The following ADAMTSL1 variants were observed in gnomAD, a reference collection of about 807,000 sequenced individuals.
The protein encoded by ADAMTSL1 is ADAMTS-like protein 1.
A neutral mutation model predicts 201.8 loss-of-function variants in ADAMTSL1; 126 were observed. That is an observed-to-expected ratio of 0.62 (90% CI 0.54 to 0.72). The LOEUF (loss-of-function observed/expected upper bound fraction) is 0.72, where lower values mean the gene tolerates loss of function less well. Among genes scored for constraint, ADAMTSL1 ranks in the 30% least tolerant of loss-of-function variants. The probability of loss-of-function intolerance (pLI) is 0.00; values close to 1 mark genes in which losing one functional copy is unlikely to be tolerated. For synonymous variants in ADAMTSL1, 1,121 were observed against 903.4 expected, an observed-to-expected ratio of 1.24 and a Z score of -4.32; for missense variants, 2,679 against 2,277.8, an observed-to-expected ratio of 1.18 and a Z score of -3.59.
rs1424423750 is a variant in ADAMTSL1 at position 18,908,791 on chromosome 9, G to A, written c.*243G>A. 1.2e-5 allele frequency: 5 copies of A among 407,440 alleles called. No individual in the cohort carries two copies. The highest frequency in any genetic ancestry group is 2.2e-5 in the Non-Finnish European group (5 of 225,374). The allele number at this position is 407,440 out of a possible 1,614,324, so 25.2% of individuals were successfully genotyped here. A position where few individuals can be genotyped will look rare whatever the true frequency, so the allele number is the denominator to read the frequency against. Reference sequence around the variant, plus strand: ...ACAGATGTCTAAAGGAGGTTGCAGAGCAGGCCAGGCAGACAGTGGGGGCTC... The same window carrying A: ...ACAGATGTCTAAAGGAGGTTGCAGAACAGGCCAGGCAGACAGTGGGGGCTC... On this transcript the variant is annotated 3_prime_UTR_variant, in exon 29 of 29. Coordinates refer to ENST00000380548, the MANE Select transcript of ADAMTSL1 (RefSeq NM_001040272.6).
chr9:17,976,357 C>G (rs1459717355), intron 1 of ADAMTSL1, among the ~76,000 whole-genome samples: 2 of 151,936 alleles, frequency 1.3e-5, no homozygotes, highest in African/African-American at 4.8e-5. Flanking sequence ...AATTCGTGAA[C>G]ATGGGATATC....
intron 2 of ADAMTSL1, among the ~76,000 whole-genome samples, chr9:18,202,838 A>T (rs1454033646): frequency 6.6e-6 from 1 of 151,980 alleles, no homozygotes; most frequent in Non-Finnish European, 1.5e-5. Flanking sequence ...GGTTGAGTGG[A>T]TGGAGAGATG....
intron 2 of ADAMTSL1, among the ~76,000 whole-genome samples, chr9:18,298,108 A>T (rs1833546418): frequency 6.6e-6 from 1 of 152,214 alleles, no homozygotes; most frequent in South Asian, 2.1e-4. Context: ...GTGAGCTAGG[A>T]CGTATTCCCG....
intron 16 of ADAMTSL1, among the ~76,000 whole-genome samples, chr9:18,764,248 G>A (rs534363737): frequency 6.6e-6 from 1 of 152,210 alleles, no homozygotes; most frequent in Admixed American, 6.5e-5. Flanking sequence ...TTTGTGTGTA[G>A]ATATTATAAG....
intron 19 of ADAMTSL1, among the ~76,000 whole-genome samples, chr9:18,794,888 C>T (rs1160201148): frequency 6.6e-6 from 1 of 152,158 alleles, no homozygotes; most frequent in Non-Finnish European, 1.5e-5. Flanking sequence ...GTGATTTGCC[C>T]GCCTCAGCCT....
intron 2 of ADAMTSL1, among the ~76,000 whole-genome samples, chr9:18,311,179 G>A (rs1346397783): frequency 2.0e-5 from 3 of 151,462 alleles, no homozygotes; most frequent in Non-Finnish European, 2.9e-5. Flanking sequence ...ACAGGGAGGG[G>A]AACATCACAT....
chr9:18,845,048 T>A (rs948079559), intron 23 of ADAMTSL1, among the ~76,000 whole-genome samples: 2 of 152,174 alleles, frequency 1.3e-5, no homozygotes, highest in South Asian at 2.1e-4. Flanking sequence ...GCACCCACTG[T>A]CCTGCACCCA....
chr9:18,672,330 TTTTC>T (rs1358884447), intron 9 of ADAMTSL1, among the ~76,000 whole-genome samples: 1 of 152,200 alleles, frequency 6.6e-6, no homozygotes, highest in Non-Finnish European at 1.5e-5. Flanking sequence ...AGTTTCTGTC[TTTTC>T]TTTCTTAGAT....
intron 1 of ADAMTSL1, among the ~76,000 whole-genome samples, chr9:18,022,150 G>T (rs993831436): frequency 5.3e-5 from 8 of 152,092 alleles, no homozygotes; most frequent in Non-Finnish European, 1.0e-4. Context: ...CCACCTTGAA[G>T]AACTAGGTTT....
chr9:17,995,434 A>G (rs1255338471), intron 1 of ADAMTSL1, among the ~76,000 whole-genome samples: 1 of 152,156 alleles, frequency 6.6e-6, no homozygotes, highest in Non-Finnish European at 1.5e-5. Flanking sequence ...CAAGGCAAGT[A>G]GCTTGAAGTA....
chr9:17,964,826 T>C (rs1817915430), intron 1 of ADAMTSL1, among the ~76,000 whole-genome samples: 1 of 152,162 alleles, frequency 6.6e-6, no homozygotes, highest in African/African-American at 2.4e-5. Flanking sequence ...AAAATTATCT[T>C]GTTTAAAAAC....
intron 1 of ADAMTSL1, among the ~76,000 whole-genome samples, chr9:17,974,610 A>G (rs1338077877): frequency 6.6e-6 from 1 of 151,970 alleles, no homozygotes. Flanking sequence ...GTGAGATCAT[A>G]CAGTATTTAT....
At chr9:17,921,629 C>T (rs1826305142) in intron 1 of ADAMTSL1, among the ~76,000 whole-genome samples, 1 of 152,150 alleles carries the variant, frequency 6.6e-6, no homozygotes, top group African/African-American at 2.4e-5. Context: ...GCACACTTTT[C>T]AGAGACTGAC....
At chr9:18,609,944 G>A (rs1825273736) in intron 4 of ADAMTSL1, among the ~76,000 whole-genome samples, 1 of 152,184 alleles carries the variant, frequency 6.6e-6, no homozygotes, top group Admixed American at 6.5e-5. Context: ...TACTGAGAGT[G>A]ATATATTCAA....
At chr9:18,795,356 A>G in intron 19 of ADAMTSL1, 41 bp from the exon 20 acceptor site, 1 of 1,610,922 alleles carries the variant, frequency 6.2e-7, no homozygotes, top group Non-Finnish European at 8.5e-7. Context: ...AAAGGAGTCA[A>G]CTGACTTGAC....
intron 2 of ADAMTSL1, among the ~76,000 whole-genome samples, chr9:18,262,663 A>C (rs1348937111): frequency 6.6e-6 from 1 of 152,210 alleles, no homozygotes; most frequent in Non-Finnish European, 1.5e-5. Flanking sequence ...CTACAAGAGC[A>C]GTATGTTGAT....
At chr9:18,249,833 G>T (rs1831397210) in intron 2 of ADAMTSL1, among the ~76,000 whole-genome samples, 1 of 152,156 alleles carries the variant, frequency 6.6e-6, no homozygotes, top group Non-Finnish European at 1.5e-5. Context: ...GGGCAGAGAG[G>T]TTGGCCTGGA....
chr9:18,642,198 G>C (rs986131099), intron 7 of ADAMTSL1, among the ~76,000 whole-genome samples: 3 of 151,898 alleles, frequency 2.0e-5, no homozygotes, highest in African/African-American at 7.3e-5. Context: ...ACAGCTATCT[G>C]AAGATTTTTT....
chr9:18,140,864 T>C (rs1826368390), intron 1 of ADAMTSL1, among the ~76,000 whole-genome samples: 1 of 152,176 alleles, frequency 6.6e-6, no homozygotes, highest in Non-Finnish European at 1.5e-5. Flanking sequence ...GAATAGTTAA[T>C]GTGACAGAGC....
Sources: gnomAD v4.1 joint callset for allele counts (sites outside exome capture counted in the v4.1 genomes callset) on GRCh38, gnomAD v4.1.1 for gene constraint, MANE v1.5 for transcripts, NCBI Gene and HGNC (gene_info 2026-07-23, HGNC 2026-07-21) for gene names.